Variants in PALM2AKAP2 observed in about 807,000 individuals in gnomAD.
PALM2AKAP2 encodes PALM2 and AKAP2 fusion.
Under a neutral mutation model 71.5 loss-of-function variants are expected in PALM2AKAP2, and 37 were observed. The ratio of observed to expected loss-of-function variants is 0.52; its 90% confidence interval spans 0.40 to 0.68. The LOEUF is 0.68. PALM2AKAP2 is among the 30% of genes least tolerant of loss of function. PALM2AKAP2 has a pLI of 0.00. For synonymous variants in PALM2AKAP2, 468 were observed against 478.8 expected, an observed-to-expected ratio of 0.98 and a Z score of 0.29; for missense variants, 1,224 against 1,191.8, an observed-to-expected ratio of 1.03 and a Z score of -0.40.
At chr9:110,126,713 A>G (rs1835614000) in intron 1 of PALM2AKAP2, among the ~76,000 whole-genome samples, 1 of 152,210 alleles carries the variant, frequency 6.6e-6, no homozygotes, top group Non-Finnish European at 1.5e-5. Flanking sequence ...TGCTGCAGAA[A>G]AGGCAACAGC....
intron 1 of PALM2AKAP2, among the ~76,000 whole-genome samples, chr9:109,852,256 C>G (rs1829039870): frequency 6.6e-6 from 1 of 152,190 alleles, no homozygotes; most frequent in Non-Finnish European, 1.5e-5. Context: ...TTGATCCCAT[C>G]CCTTCCTCCC....
chr9:109,847,440 G>A (rs777242635), intron 1 of PALM2AKAP2, among the ~76,000 whole-genome samples: 1 of 152,136 alleles, frequency 6.6e-6, no homozygotes, highest in Non-Finnish European at 1.5e-5. Context: ...AACTGTGAGA[G>A]AATAAATATC....
intron 6 of PALM2AKAP2, among the ~76,000 whole-genome samples, chr9:109,999,942 CTTT>C (rs200293817): frequency 7.3e-6 from 1 of 137,914 alleles, no homozygotes; most frequent in African/African-American, 2.6e-5. Context: ...CTTTTCTTTC[CTTT>C]TTTTTTTTTT....
intron 6 of PALM2AKAP2, among the ~76,000 whole-genome samples, chr9:109,999,371 T>A (rs999404532): frequency 6.6e-6 from 1 of 151,140 alleles, no homozygotes; most frequent in South Asian, 2.1e-4. Context: ...AATAAATAAA[T>A]AAAATAAAAA....
chr9:109,666,855 G>A (rs1827492812), intron 1 of PALM2AKAP2, among the ~76,000 whole-genome samples: 1 of 152,204 alleles, frequency 6.6e-6, no homozygotes. Flanking sequence ...AGCACAACAG[G>A]AACAAAGCAG....
chr9:110,139,907 A>T (rs1835985024), intron 2 of PALM2AKAP2, among the ~76,000 whole-genome samples: 1 of 152,172 alleles, frequency 6.6e-6, no homozygotes, highest in African/African-American at 2.4e-5. Flanking sequence ...CACCAAATTG[A>T]TGCTGTGTTC....
intron 1 of PALM2AKAP2, among the ~76,000 whole-genome samples, chr9:110,100,051 C>CTCTATATATATATATATATA (rs143442936): frequency 5.5e-5 from 6 of 109,464 alleles, no homozygotes; most frequent in African/African-American, 1.9e-4. Context: ...GTATGTGTGT[C>CTCTATATATATATATATATA]TATATATATA....
Position 110,125,613 on chromosome 9 carries a change from G to C in PALM2AKAP2, c.157-10514G>C, listed in dbSNP as rs531833033. ...CTGGGCAGGGTAAGCCAAGTCTGCT[G>C]ACTTATCTTCGTGTCCTTTTCTTTC... On this transcript the variant is annotated intron_variant, in intron 1 of 3. Transcript: ENST00000374525. 6 of 984,486 alleles carry C rather than the reference G, an allele frequency of 6.1e-6. No individual in the cohort carries two copies. The East Asian group carries it at 6.8e-4, about 112-fold the overall frequency. 61.0% of individuals were successfully genotyped at this position (984,486 alleles called of 1,614,324 possible).
At chr9:109,982,284 A>T (rs555254608) in intron 6 of PALM2AKAP2, among the ~76,000 whole-genome samples, 1 of 152,306 alleles carries the variant, frequency 6.6e-6, no homozygotes, top group Non-Finnish European at 1.5e-5. Context: ...GAGTAGAAGG[A>T]TGGTTACCAG....
At chr9:110,095,194 G>T (rs1476087016) in intron 1 of PALM2AKAP2, among the ~76,000 whole-genome samples, 1 of 152,194 alleles carries the variant, frequency 6.6e-6, no homozygotes, top group African/African-American at 2.4e-5. Flanking sequence ...GTTCCCTTGT[G>T]CCCTGGGACT....
chr9:109,719,153 C>T (rs916893942), intron 1 of PALM2AKAP2, among the ~76,000 whole-genome samples: 10 of 152,074 alleles, frequency 6.6e-5, no homozygotes, highest in African/African-American at 2.4e-4. Context: ...TATCGAGGAA[C>T]AAAAACAATA....
intron 3 of PALM2AKAP2, among the ~76,000 whole-genome samples, chr9:109,915,910 A>G (rs2131915501): frequency 6.6e-6 from 1 of 152,152 alleles, no homozygotes; most frequent in Non-Finnish European, 1.5e-5. Context: ...TTTGGATTCA[A>G]CTGACCAACA....
chr9:110,090,707 T>G (rs1001628422), intron 1 of PALM2AKAP2, among the ~76,000 whole-genome samples: 1 of 152,228 alleles, frequency 6.6e-6, no homozygotes, highest in East Asian at 1.9e-4. Context: ...GTTCTAAATT[T>G]ATTGTGAATT....
At chr9:109,937,955 A>G (rs1229527969) in intron 6 of PALM2AKAP2, among the ~76,000 whole-genome samples, 3 of 152,228 alleles carry the variant, frequency 2.0e-5, no homozygotes, top group Non-Finnish European at 4.4e-5. Context: ...TACCTCTGAC[A>G]TGGAGAAGCT....
intron 2 of PALM2AKAP2, among the ~76,000 whole-genome samples, chr9:109,870,826 T>C (rs1829584382): frequency 6.6e-6 from 1 of 152,222 alleles, no homozygotes; most frequent in South Asian, 2.1e-4. Flanking sequence ...TGTGGAGACA[T>C]GTCACAGTGA....
intron 1 of PALM2AKAP2, among the ~76,000 whole-genome samples, chr9:110,130,892 C>T (rs751806737): frequency 3.3e-5 from 5 of 152,202 alleles, no homozygotes; most frequent in Non-Finnish European, 7.3e-5. Flanking sequence ...GGATTTCTAA[C>T]ATTCATTATG....
At chr9:109,796,806 C>G (rs1368696561) in intron 1 of PALM2AKAP2, among the ~76,000 whole-genome samples, 1 of 152,164 alleles carries the variant, frequency 6.6e-6, no homozygotes, top group Admixed American at 6.5e-5. Context: ...ATGATCCAAT[C>G]ACCTCCCACC....
At chr9:110,105,516 G>C (rs981604272) in intron 1 of PALM2AKAP2, among the ~76,000 whole-genome samples, 1 of 152,132 alleles carries the variant, frequency 6.6e-6, no homozygotes, top group East Asian at 1.9e-4. Context: ...ACATGTGCAC[G>C]CATACTGTAT....
At chr9:109,724,130 C>T (rs1309936786) in intron 1 of PALM2AKAP2, among the ~76,000 whole-genome samples, 1 of 151,712 alleles carries the variant, frequency 6.6e-6, no homozygotes, top group African/African-American at 2.4e-5. Flanking sequence ...ATGTAATGTC[C>T]AATAATAAAA....
Sources: allele counts gnomAD v4.1 joint callset (sites outside exome capture counted in the v4.1 genomes callset), GRCh38; gene constraint gnomAD v4.1.1; transcripts MANE v1.5; gene names NCBI Gene and HGNC (gene_info 2026-07-23, HGNC 2026-07-21).